USP8: variants seen among roughly 807,000 people sequenced by gnomAD.
USP8 encodes the protein ubiquitin specific peptidase 8.
A neutral mutation model predicts 130.0 loss-of-function variants in USP8; 27 were observed. That is an observed-to-expected ratio of 0.21 (90% CI 0.15 to 0.29). The LOEUF is 0.29. Ranked by LOEUF, USP8 falls within the 10% of genes least tolerant of loss-of-function variation. The probability of loss-of-function intolerance (pLI) is 1.00; values close to 1 mark genes in which losing one functional copy is unlikely to be tolerated. For missense variants in USP8, 1,029 were observed against 1,312.2 expected (o/e 0.78, Z 3.33); for synonymous variants, 392 against 444.1 (o/e 0.88, Z 1.48).
At chr15:50,471,941 C>G in intron 8 of USP8, 146 bp downstream of exon 8, 1 of 913,566 alleles carries the variant, frequency 1.1e-6, no homozygotes, top group Middle Eastern at 3.5e-4. Flanking sequence ...CACTCTGTTG[C>G]CCAAGCTAGA....
rs1020798789 is a variant in USP8 at position 50,495,987 on chromosome 15, C to T, written c.2798C>T (p.Thr933Ile). The change falls in exon 17 of 20, where the codon ACA becomes ATA. Residue 933 changes from threonine (T) to isoleucine (I), a missense_variant. Coordinates refer to ENST00000307179, the MANE Select transcript of USP8 (RefSeq NM_005154.5). ...VALFQGQFKSTVQCLTCHKKS... is the reference protein window; with the variant it reads ...VALFQGQFKSIVQCLTCHKKS... The stretch of plus-strand genomic sequence containing the variant: ...CTTTTTCAGGGTCAATTCAAATCTA[C>T]AGTACAGTGCCTCACATGTCACAAA... The T allele has an allele frequency of 6.2e-7, 1 of 1,613,818 alleles. No individual in the cohort carries two copies. Among genetic ancestry groups the T allele is most frequent in the Non-Finnish European group, 8.5e-7 (1 of 1,180,018 alleles).
intron 5 of USP8, among the ~76,000 whole-genome samples, chr15:50,461,698 C>T (rs895361476): frequency 6.6e-6 from 1 of 151,664 alleles, no homozygotes; most frequent in African/African-American, 2.4e-5. Flanking sequence ...ACTAAAAATA[C>T]AAAAATTAGC....
intron 8 of USP8, among the ~76,000 whole-genome samples, chr15:50,472,235 C>A (rs2051402121): frequency 1.3e-5 from 2 of 151,764 alleles, no homozygotes; most frequent in Admixed American, 1.3e-4. Flanking sequence ...TTTATAAATT[C>A]AGGTTTAAAA....
At chr15:50,494,829 A>T (rs1044830633) in intron 16 of USP8, among the ~76,000 whole-genome samples, 1 of 152,172 alleles carries the variant, frequency 6.6e-6, no homozygotes, top group African/African-American at 2.4e-5. Context: ...AGCCTGGCCA[A>T]CATGGCAAAA....
intron 5 of USP8, among the ~76,000 whole-genome samples, chr15:50,461,053 C>A (rs999152821): frequency 6.6e-6 from 1 of 151,810 alleles, no homozygotes; most frequent in East Asian, 1.9e-4. Flanking sequence ...AGTGCAGTGG[C>A]GCGATCTCAG....
chr15:50,501,040 A>G lies in USP8; in HGVS notation c.*1952A>G, dbSNP rs1461006277. Reference sequence around the variant, plus strand: ...TTGTAACTACTTATATGTTGTGCCCATTGACTATCATCTGTGAATAAAGAA... The same window carrying G: ...TTGTAACTACTTATATGTTGTGCCCGTTGACTATCATCTGTGAATAAAGAA... On this transcript the variant is annotated 3_prime_UTR_variant, in exon 20 of 20. Transcript: ENST00000307179. 5.8e-6 allele frequency: 3 copies of G among 514,892 alleles called. No homozygotes were observed. Among genetic ancestry groups the G allele is most frequent in the African/African-American group, 5.7e-5 (3 of 52,228 alleles). 31.9% of individuals were successfully genotyped at this position (514,892 alleles called of 1,614,324 possible).
intron 4 of USP8, among the ~76,000 whole-genome samples, chr15:50,450,462 C>CTTTTTTTTTTTTTTTTTTTTTTT (rs35800074): frequency 3.7e-5 from 3 of 80,456 alleles, no homozygotes; most frequent in Non-Finnish European, 4.7e-5. Flanking sequence ...GTTAGTCATT[C>CTTTTTTTTTTTTTTTTTTTTTTT]TTTTTTTTTT....
intron 10 of USP8, among the ~76,000 whole-genome samples, chr15:50,479,466 T>C (rs916126299): frequency 1.1e-4 from 17 of 152,178 alleles, no homozygotes. Flanking sequence ...CAAATTTGAA[T>C]TTTGTCCTGT....
At chr15:50,475,815 C>G (rs748759726) in intron 8 of USP8, among the ~76,000 whole-genome samples, 3 of 152,050 alleles carry the variant, frequency 2.0e-5, no homozygotes, top group Admixed American at 1.3e-4. Flanking sequence ...GTTGGTCAGG[C>G]TGGTCTCGAA....
rs200518441 is a variant in USP8 at position 50,482,045 on chromosome 15, G to A, written c.1783G>A (p.Gly595Arg). 1 of 1,508,680 alleles carries A rather than the reference G, an allele frequency of 6.6e-7. No individual in the cohort carries two copies. Among genetic ancestry groups the A allele is most frequent in the Non-Finnish European group, 8.8e-7 (1 of 1,134,678 alleles). The allele number at this position is 1,508,680 out of a possible 1,614,324, so 93.5% of individuals were successfully genotyped here. A position where few individuals can be genotyped will look rare whatever the true frequency, so the allele number is the denominator to read the frequency against. Residue 595 changes from glycine to arginine, a missense_variant, in exon 11 of 20, where the codon GGG becomes AGG. This residue lies in a region of USP8 where 486 missense variants were observed against 522.0 expected (regional missense o/e 0.93). Coordinates refer to ENST00000307179, the MANE Select transcript of USP8 (RefSeq NM_005154.5). ...TGDVPHTSVT[G>R]DSGSGKPFKI... The stretch of plus-strand genomic sequence containing the variant: ...AGATGTGCCCCATACATCTGTGACA[G>A]GGGATTCAGGTTCAGGCAAGGTAAG...
intron 6 of USP8, 79 bp downstream of exon 6, chr15:50,462,401 C>T: frequency 7.9e-7 from 1 of 1,265,370 alleles, no homozygotes; most frequent in Non-Finnish European, 1.1e-6. Context: ...AGGTTTTATA[C>T]AATGAGATTC....
chr15:50,466,259 G>A (rs967521137), intron 7 of USP8, among the ~76,000 whole-genome samples: 20 of 152,144 alleles, frequency 1.3e-4, no homozygotes, highest in African/African-American at 4.8e-4. Context: ...CTTGATAAAT[G>A]TTTGACCTGA....
Position 50,494,102 on chromosome 15 carries a change from C to T in USP8, c.2480C>T (p.Ala827Val), listed in dbSNP as rs779948124. 6.2e-7 allele frequency: 1 copy of T among 1,609,408 alleles called. No homozygotes were observed. The highest frequency in any genetic ancestry group is 1.1e-5 in the South Asian group (1 of 90,376). ...SNLLGHKGEVAEEFGIIMKAL... is the reference protein window; with the variant it reads ...SNLLGHKGEVVEEFGIIMKAL... ...TTGTTGGGGCATAAAGGTGAAGTGG[C>T]AGAAGAATTTGGTATAATCATGAAA... The change falls in exon 16 of 20, where the codon GCA (alanine) becomes GTA (valine). Residue 827 changes from alanine to valine, a missense_variant. This residue lies in a region of USP8 where 257 missense variants were observed against 429.8 expected (regional missense o/e 0.60). Transcript: ENST00000307179.
Position 50,465,299 on chromosome 15 carries a change from T to C in USP8, c.686+108T>C, listed in dbSNP as rs1595942244. ...AAGCTAAATGTGATAAAGTAGTCTT[T>C]TCCTGGTAACTTTTTAAATCTTTGC... On this transcript the variant is annotated intron_variant, in intron 7 of 19. Transcript: ENST00000307179. 11 of 1,280,712 alleles carry C rather than the reference T, an allele frequency of 8.6e-6. No individual in the cohort carries two copies. The East Asian group carries it at 3.0e-4, about 34-fold the overall frequency. The allele number at this position is 1,280,712 out of a possible 1,614,324, so 79.3% of individuals were successfully genotyped here.
chr15:50,425,420 A>C (rs186726188), intron 1 of USP8, among the ~76,000 whole-genome samples: 1 of 152,342 alleles, frequency 6.6e-6, no homozygotes, highest in African/African-American at 2.4e-5. Context: ...CGGCTTTGCT[A>C]TGTAAGCAGA....
At position 50,496,093 on chromosome 15, in the gene USP8, A is replaced by C; in HGVS notation, c.2895+9A>C. ...GTAAATGTACATTACAGGTAAGTTT[A>C]AGAAGTAGAGAGAAAATGATTTATT... On this transcript the variant is annotated intron_variant, in intron 17 of 19. Coordinates refer to ENST00000307179, the MANE Select transcript of USP8 (RefSeq NM_005154.5). The C allele has an allele frequency of 6.3e-7, 1 of 1,580,446 alleles. No individual in the cohort carries two copies. Among genetic ancestry groups the C allele is most frequent in the Non-Finnish European group, 8.6e-7 (1 of 1,156,300 alleles).
At chr15:50,426,134 A>T (rs1312510847) in intron 1 of USP8, among the ~76,000 whole-genome samples, 1 of 152,224 alleles carries the variant, frequency 6.6e-6, no homozygotes, top group African/African-American at 2.4e-5. Context: ...AAAATAAAAA[A>T]TAAAAAGCGT....
chr15:50,466,743 C>T (rs1192777808), intron 7 of USP8: 2 of 226,484 alleles, frequency 8.8e-6, no homozygotes, highest in Non-Finnish European at 1.8e-5. Context: ...GCAGCCGTGG[C>T]TTTTAAAGAT....
intron 11 of USP8, 65 bp from the exon 12 acceptor site, chr15:50,484,210 G>T: frequency 7.6e-7 from 1 of 1,307,330 alleles, no homozygotes; most frequent in Non-Finnish European, 1.1e-6. Flanking sequence ...GTGTTAGCTA[G>T]TAGCTTTATG....
Sources: allele counts gnomAD v4.1 joint callset (sites outside exome capture counted in the v4.1 genomes callset), GRCh38; gene constraint gnomAD v4.1.1; regional missense constraint gnomAD v4.1.1; transcripts MANE v1.5; gene names NCBI Gene and HGNC (gene_info 2026-07-23, HGNC 2026-07-21).